GALNT13: variants seen among roughly 807,000 people sequenced by gnomAD.
GALNT13 encodes the protein polypeptide N-acetylgalactosaminyltransferase 13, also known as UDP-GalNAc:polypeptide N-acetylgalactosaminyltransferase 13.
A neutral mutation model predicts 64.2 loss-of-function variants in GALNT13; 28 were observed. The ratio of observed to expected loss-of-function variants is 0.44; its 90% CI spans 0.32 to 0.60. GALNT13 has a LOEUF of 0.60. Among genes scored for constraint, GALNT13 ranks in the 20% least tolerant of loss-of-function variants. The probability of loss-of-function intolerance (pLI) is 0.05; values close to 1 mark genes in which losing one functional copy is unlikely to be tolerated. For synonymous variants in GALNT13, 214 were observed against 224.6 expected, an observed-to-expected ratio of 0.95 and a Z score of 0.42; for missense variants, 577 against 669.8, an observed-to-expected ratio of 0.86 and a Z score of 1.53.
At chr2:154,007,621 A>C (rs887956883) in intron 3 of GALNT13, among the ~76,000 whole-genome samples, 2 of 151,894 alleles carry the variant, frequency 1.3e-5, no homozygotes, top group Admixed American at 6.6e-5. Flanking sequence ...TGTTCACCAA[A>C]CTCTCAAAAA....
intron 3 of GALNT13, among the ~76,000 whole-genome samples, chr2:154,086,114 A>G (rs988417574): frequency 6.7e-6 from 1 of 148,448 alleles, no homozygotes; most frequent in African/African-American, 2.4e-5. Context: ...TATAATATAT[A>G]TTATGTGATT....
At chr2:153,891,987 T>C (rs1217153933) in intron 1 of GALNT13, among the ~76,000 whole-genome samples, 2 of 152,054 alleles carry the variant, frequency 1.3e-5, no homozygotes, top group African/African-American at 2.4e-5. Flanking sequence ...TAGATGCTCA[T>C]TTCAAAGATC....
chr2:153,526,509 A>G, the GALNT13 span, among the ~76,000 whole-genome samples: 1 of 152,224 alleles, frequency 6.6e-6, no homozygotes, highest in Non-Finnish European at 1.5e-5. Context: ...GGTTTCCCCT[A>G]AAGCAGATAT....
the GALNT13 span, among the ~76,000 whole-genome samples, chr2:153,610,670 C>T: frequency 1.3e-5 from 2 of 151,266 alleles, no homozygotes; most frequent in Non-Finnish European, 2.9e-5. Context: ...ATTCTGTCTC[C>T]AAAAAATAAA....
At chr2:154,113,973 G>T (rs1363634483) in intron 3 of GALNT13, among the ~76,000 whole-genome samples, 3 of 152,184 alleles carry the variant, frequency 2.0e-5, no homozygotes. Flanking sequence ...TGGTACAACA[G>T]CTGCAATTGG....
intron 4 of GALNT13, among the ~76,000 whole-genome samples, chr2:154,183,344 A>T (rs1276765695): frequency 6.6e-6 from 1 of 152,056 alleles, no homozygotes; most frequent in African/African-American, 2.4e-5. Flanking sequence ...ATGATCCTTT[A>T]TACTTGTGGA....
At chr2:154,414,789 GT>G (rs900105997) in intron 11 of GALNT13, among the ~76,000 whole-genome samples, 295 of 151,564 alleles carry the variant, frequency 1.9e-3, no homozygotes, top group African/African-American at 6.7e-3. Context: ...TTTGTTTACA[GT>G]TTTTTTTATA....
the GALNT13 span, among the ~76,000 whole-genome samples, chr2:153,398,884 T>G: frequency 1.4e-3 from 186 of 131,488 alleles, 1 homozygote; most frequent in Middle Eastern, 3.6e-3. Flanking sequence ...GCCTGTTCAC[T>G]CTGATGGTAG....
the GALNT13 span, among the ~76,000 whole-genome samples, chr2:153,828,367 T>C: frequency 2.0e-5 from 3 of 152,234 alleles, no homozygotes; most frequent in Non-Finnish European, 4.4e-5. Context: ...CAGGAGTTTC[T>C]ATACATCCTC....
the GALNT13 span, among the ~76,000 whole-genome samples, chr2:153,480,992 A>C: frequency 1.3e-5 from 2 of 152,206 alleles, no homozygotes; most frequent in Non-Finnish European, 1.5e-5. Context: ...GGTCAGTGTT[A>C]AAATGATCAA....
the GALNT13 span, among the ~76,000 whole-genome samples, chr2:153,496,063 A>G: frequency 6.6e-6 from 1 of 152,322 alleles, no homozygotes; most frequent in Non-Finnish European, 1.5e-5. Flanking sequence ...CAGCAGCATG[A>G]AGAGTGGGGA....
chr2:153,507,576 G>C, the GALNT13 span, among the ~76,000 whole-genome samples: 1 of 152,086 alleles, frequency 6.6e-6, no homozygotes, highest in Admixed American at 6.6e-5. Context: ...ACCATGCCCA[G>C]GTGATGTTTT....
chr2:153,106,847 C>T, the GALNT13 span, among the ~76,000 whole-genome samples: 1 of 152,112 alleles, frequency 6.6e-6, no homozygotes, highest in Admixed American at 6.6e-5. Context: ...CTTGTTTTCA[C>T]TGATAGATAT....
chr2:153,453,426 A>G, the GALNT13 span, among the ~76,000 whole-genome samples: 1 of 152,220 alleles, frequency 6.6e-6, no homozygotes, highest in Non-Finnish European at 1.5e-5. Context: ...TGAACAATAA[A>G]CAATATATAA....
At chr2:153,150,197 G>A in the GALNT13 span, among the ~76,000 whole-genome samples, 1 of 151,988 alleles carries the variant, frequency 6.6e-6, no homozygotes, top group African/African-American at 2.4e-5. Context: ...CACCTTTGAT[G>A]TCAGGGATAG....
At chr2:153,665,927 AG>A in the GALNT13 span, among the ~76,000 whole-genome samples, 1 of 152,126 alleles carries the variant, frequency 6.6e-6, no homozygotes, top group Non-Finnish European at 1.5e-5. Flanking sequence ...AAGAATGGAC[AG>A]GGATGCCCAT....
chr2:154,082,600 T>C (rs994594277), intron 3 of GALNT13, among the ~76,000 whole-genome samples: 1 of 151,678 alleles, frequency 6.6e-6, no homozygotes, highest in African/African-American at 2.4e-5. Flanking sequence ...GTTGTTGAGC[T>C]TTCTGAGTTG....
chr2:153,240,611 C>T, the GALNT13 span, among the ~76,000 whole-genome samples: 1 of 152,086 alleles, frequency 6.6e-6, no homozygotes, highest in Non-Finnish European at 1.5e-5. Context: ...GAGAAATAGA[C>T]CTGGGGAGAC....
chr2:154,385,328 G>A (rs1018845811), intron 9 of GALNT13, among the ~76,000 whole-genome samples: 2 of 151,908 alleles, frequency 1.3e-5, no homozygotes, highest in African/African-American at 4.8e-5. Flanking sequence ...TCACACTGAT[G>A]TTAGGTCAGG....
Sources: allele counts gnomAD v4.1 joint callset (sites outside exome capture counted in the v4.1 genomes callset), GRCh38; gene constraint gnomAD v4.1.1; transcripts MANE v1.5; gene names NCBI Gene and HGNC (gene_info 2026-07-23, HGNC 2026-07-21).